C8orf34: variants seen among roughly 807,000 people sequenced by gnomAD.
The protein encoded by C8orf34 is uncharacterized protein C8orf34.
Under a neutral mutation model 68.3 loss-of-function variants are expected in C8orf34, and 65 were observed. That is an observed-to-expected ratio of 0.95 (90% CI 0.78 to 1.17). The LOEUF is 1.17. Ranked by LOEUF, C8orf34 falls within the 50% of genes most tolerant of loss-of-function variation. The pLI, the probability that C8orf34 is intolerant of heterozygous loss-of-function variation, is 0.00. For missense variants in C8orf34, 664 were observed against 655.4 expected (o/e 1.01, Z -0.14); for synonymous variants, 244 against 241.2 (o/e 1.01, Z -0.11).
chr8:68,521,669 C>T (rs1217191156), intron 5 of C8orf34, 130 bp from the exon 6 acceptor site: 1 of 735,790 alleles, frequency 1.4e-6, no homozygotes, highest in Non-Finnish European at 2.1e-6. Context: ...TTGGAGGAAA[C>T]TGAAGTTTTG....
intron 4 of C8orf34, among the ~76,000 whole-genome samples, chr8:68,479,408 A>T (rs981941077): frequency 4.5e-5 from 1 of 22,356 alleles, no homozygotes; most frequent in Non-Finnish European, 1.1e-4. Context: ...AGAAACAGTG[A>T]GAGAGAGAGA....
chr8:68,412,766 C>G (rs1210750526), intron 1 of C8orf34, among the ~76,000 whole-genome samples: 3 of 152,152 alleles, frequency 2.0e-5, no homozygotes, highest in Admixed American at 6.6e-5. Flanking sequence ...TTTCAGCCAT[C>G]CTTCTCTCTG....
intron 1 of C8orf34, among the ~76,000 whole-genome samples, chr8:68,413,043 C>T (rs1172636662): frequency 6.6e-6 from 1 of 152,144 alleles, no homozygotes; most frequent in Non-Finnish European, 1.5e-5. Context: ...CTTTTTCATT[C>T]CTACACCTGT....
chr8:68,376,709 T>C (rs1384294232), intron 1 of C8orf34, among the ~76,000 whole-genome samples: 1 of 152,142 alleles, frequency 6.6e-6, no homozygotes, highest in Admixed American at 6.6e-5. Context: ...TTTTGTTTTA[T>C]GTCCAGTATG....
chr8:68,521,636 C>G lies in C8orf34; in HGVS notation c.766-163C>G, dbSNP rs369693817. On this transcript the variant is annotated intron_variant, in intron 5 of 13. Coordinates refer to ENST00000518698, the MANE Select transcript of C8orf34 (RefSeq NM_052958.4). ...TGACCTTAGGAATTAGCATAAATCACTAGAACAAGCTATCTAGTAGAGTTG... is the reference window on the plus strand; with the variant it reads ...TGACCTTAGGAATTAGCATAAATCAGTAGAACAAGCTATCTAGTAGAGTTG... Among the ~76,000 whole-genome samples, 32 of 152,284 alleles carry G rather than the reference C, an allele frequency of 2.1e-4. No individual in the cohort carries two copies. In the South Asian group the frequency reaches 6.0e-3, roughly 29 times the overall value.
At chr8:68,517,325 T>A (rs955840448) in intron 5 of C8orf34, among the ~76,000 whole-genome samples, 2 of 152,118 alleles carry the variant, frequency 1.3e-5, no homozygotes, top group African/African-American at 4.8e-5. Context: ...ATATTCAAAA[T>A]TTTTCAGAAA....
chr8:68,695,973 G>A (rs1250168475), intron 8 of C8orf34, among the ~76,000 whole-genome samples: 1 of 152,008 alleles, frequency 6.6e-6, no homozygotes, highest in Non-Finnish European at 1.5e-5. Flanking sequence ...CACATCAATA[G>A]ATATTTACCT....
chr8:68,648,874 T>G (rs1819259034), intron 8 of C8orf34, among the ~76,000 whole-genome samples: 1 of 152,218 alleles, frequency 6.6e-6, no homozygotes, highest in Non-Finnish European at 1.5e-5. Flanking sequence ...CACAAGTAGA[T>G]CACTGTTGGT....
chr8:68,587,501 T>C (rs1286475287), intron 7 of C8orf34, among the ~76,000 whole-genome samples: 1 of 152,040 alleles, frequency 6.6e-6, no homozygotes, highest in Admixed American at 6.6e-5. Context: ...TTTGCCAAAA[T>C]TTGAATGACA....
intron 6 of C8orf34, among the ~76,000 whole-genome samples, chr8:68,526,166 GC>G (rs1814978752): frequency 6.6e-6 from 1 of 151,678 alleles, no homozygotes; most frequent in South Asian, 2.1e-4. Context: ...TCACTATGTT[GC>G]CCAGGCAGGT....
chr8:68,688,518 G>A (rs756129307), intron 8 of C8orf34, among the ~76,000 whole-genome samples: 15 of 151,974 alleles, frequency 9.9e-5, no homozygotes, highest in African/African-American at 2.2e-4. Context: ...AGATACATGC[G>A]CACGTATGTT....
intron 7 of C8orf34, among the ~76,000 whole-genome samples, chr8:68,638,366 T>C (rs976413394): frequency 4.0e-5 from 6 of 151,748 alleles, no homozygotes; most frequent in African/African-American, 1.5e-4. Flanking sequence ...TTTATAATGG[T>C]GTCTTATAAG....
At chr8:68,709,761 A>G (rs991315109) in intron 9 of C8orf34, among the ~76,000 whole-genome samples, 4 of 152,144 alleles carry the variant, frequency 2.6e-5, no homozygotes, top group South Asian at 4.2e-4. Context: ...TCCATTTTCT[A>G]TAGTATAAAA....
intron 3 of C8orf34, among the ~76,000 whole-genome samples, chr8:68,449,157 A>AAAAC (rs374412004): frequency 5.5e-4 from 84 of 152,254 alleles, no homozygotes; most frequent in African/African-American, 1.5e-3. Flanking sequence ...GTCACATGGA[A>AAAAC]AAACAAACAA....
At chr8:68,645,858 T>C (rs1283250808) in intron 8 of C8orf34, among the ~76,000 whole-genome samples, 1 of 152,162 alleles carries the variant, frequency 6.6e-6, no homozygotes, top group African/African-American at 2.4e-5. Context: ...CATAGGGTTA[T>C]AGGGACTCAG....
intron 6 of C8orf34, among the ~76,000 whole-genome samples, chr8:68,531,520 A>G (rs1172878003): frequency 6.6e-6 from 1 of 152,190 alleles, no homozygotes; most frequent in Non-Finnish European, 1.5e-5. Context: ...AAAATTCTAC[A>G]TAGTTGATGG....
intron 7 of C8orf34, among the ~76,000 whole-genome samples, chr8:68,570,587 T>C (rs1816733590): frequency 6.6e-6 from 1 of 152,208 alleles, no homozygotes; most frequent in Admixed American, 6.5e-5. Flanking sequence ...TGGCCTAGTA[T>C]CGTTGGCACA....
At chr8:68,330,452 G>C (rs563752263), upstream of C8orf34, among the ~76,000 whole-genome samples, 1 of 152,250 alleles carries the variant, frequency 6.6e-6, no homozygotes, top group Admixed American at 6.5e-5. Flanking sequence ...ATTTTGAAAA[G>C]GAAGGCAACT....
chr8:68,806,193 G>A (rs916196329), intron 12 of C8orf34, among the ~76,000 whole-genome samples: 2 of 151,736 alleles, frequency 1.3e-5, no homozygotes, highest in Admixed American at 6.6e-5. Context: ...AACACCATAA[G>A]GCTTTATTAT....
Sources: allele counts gnomAD v4.1 joint callset (sites outside exome capture counted in the v4.1 genomes callset), GRCh38; gene constraint gnomAD v4.1.1; transcripts MANE v1.5; gene names NCBI Gene and HGNC (gene_info 2026-07-23, HGNC 2026-07-21).